NRCAM: variants seen among roughly 807,000 people sequenced by gnomAD.
NRCAM encodes the protein neuronal cell adhesion molecule.
NRCAM carries 83 observed loss-of-function variants against 156.5 expected under a neutral mutation model. The observed-to-expected ratio is 0.53, with a 90% CI of 0.44 to 0.64. The LOEUF (loss-of-function observed/expected upper bound fraction) is 0.64, where lower values mean the gene tolerates loss of function less well. NRCAM is among the 30% of genes least tolerant of loss of function. The pLI is 0.00. For synonymous variants in NRCAM, 538 were observed against 563.9 expected (o/e 0.95, Z 0.65); for missense variants, 1,417 against 1,597.3 (o/e 0.89, Z 1.92).
At chr7:108,210,665 C>G (rs1399060205) in intron 11 of NRCAM, among the ~76,000 whole-genome samples, 1 of 152,170 alleles carries the variant, frequency 6.6e-6, no homozygotes, top group African/African-American at 2.4e-5. Context: ...CTTTTTGAGG[C>G]TTAGTTTCCT....
intron 2 of NRCAM, among the ~76,000 whole-genome samples, chr7:108,356,322 A>T (rs2099496959): frequency 6.6e-6 from 1 of 152,114 alleles, no homozygotes; most frequent in African/African-American, 2.4e-5. Context: ...TAATTGTTCT[A>T]TTATTATTAA....
chr7:108,392,121 G>C (rs2099762262), intron 2 of NRCAM, among the ~76,000 whole-genome samples: 2 of 152,152 alleles, frequency 1.3e-5, no homozygotes, highest in Non-Finnish European at 2.9e-5. Context: ...ATGTTGGCCT[G>C]CCTTGCTATG....
At chr7:108,307,543 G>T (rs2154171583) in intron 3 of NRCAM, among the ~76,000 whole-genome samples, 1 of 152,288 alleles carries the variant, frequency 6.6e-6, no homozygotes, top group South Asian at 2.1e-4. Flanking sequence ...AATCTTTACA[G>T]ACCAGCTAAG....
intron 2 of NRCAM, among the ~76,000 whole-genome samples, chr7:108,374,612 T>C (rs191130435): frequency 6.6e-6 from 1 of 152,274 alleles, no homozygotes; most frequent in Non-Finnish European, 1.5e-5. Flanking sequence ...AATTCAAATA[T>C]GAAGTGAGAT....
rs7791676 is a variant in NRCAM, at chr7:108,177,972, T to C, written c.2974+18A>G. Reference sequence around the variant, plus strand: ...ATAAAAAAACATATTTCCCCTTCTCTTCCTCCCAACAGCTTACTTGGCTGA... The same window carrying C: ...ATAAAAAAACATATTTCCCCTTCTCCTCCTCCCAACAGCTTACTTGGCTGA... On this transcript the variant is annotated intron_variant, in intron 26 of 32. Coordinates refer to ENST00000379028, the MANE Select transcript of NRCAM (RefSeq NM_001037132.4). 7,379 of 1,575,190 alleles carry C rather than the reference T, an allele frequency of 4.7e-3. 289 individuals carry two copies. The African/African-American group carries it at 0.087, about 19-fold the overall frequency.
chr7:108,227,485 C>A (rs2093662482), intron 8 of NRCAM, among the ~76,000 whole-genome samples: 1 of 152,198 alleles, frequency 6.6e-6, no homozygotes. Flanking sequence ...ATCCTCTCTT[C>A]TAGCTATTTG....
Position 108,194,139 on chromosome 7 carries a change from C to T in NRCAM, c.1663G>A (p.Ala555Thr). 1.2e-6 allele frequency: 2 copies of T among 1,614,100 alleles called. No individual in the cohort carries two copies. Among genetic ancestry groups the T allele is most frequent in the South Asian group, 2.2e-5 (2 of 91,074 alleles). ...PTWIVKQPEY[A>T]VVQRGSMVSF... ...ACCATGCTCCCTCTTTGCACAACTGCATATTCGGGCTGTTTAACGATCCAT... is the reference window on the plus strand; with the variant it reads ...ACCATGCTCCCTCTTTGCACAACTGTATATTCGGGCTGTTTAACGATCCAT... The change falls in exon 17 of 33, where the codon GCA becomes ACA. Residue 555 changes from alanine to threonine, a missense_variant. Transcript: ENST00000379028.
chr7:108,218,449 T>C (rs2090654746), intron 11 of NRCAM, among the ~76,000 whole-genome samples: 1 of 152,130 alleles, frequency 6.6e-6, no homozygotes, highest in African/African-American at 2.4e-5. Context: ...AGATGGACCA[T>C]ATGATAGGCC....
chr7:108,369,523 A>G (rs1335307913), intron 2 of NRCAM, among the ~76,000 whole-genome samples: 1 of 152,166 alleles, frequency 6.6e-6, no homozygotes, highest in African/African-American at 2.4e-5. Flanking sequence ...CACTGTGTTT[A>G]TCCTCTTCAA....
chr7:108,295,254 C>T (rs1333302600), intron 3 of NRCAM, among the ~76,000 whole-genome samples: 2 of 152,148 alleles, frequency 1.3e-5, no homozygotes, highest in East Asian at 3.8e-4. Flanking sequence ...CTTTTTTACA[C>T]CTCTCTAAAA....
At position 108,363,558 on chromosome 7, in the gene NRCAM, C is replaced by T. The variant is rs1372357247; in HGVS notation, c.-174+35878G>A. 3.9e-5 allele frequency among the ~76,000 whole-genome samples: 6 copies of T among 152,172 alleles called. No individual in the cohort carries two copies. In the East Asian group the frequency reaches 9.6e-4, roughly 24 times the overall value. ...CCACTGCATCCAGCCCAACCCTCTA[C>T]TTCTTAAGTGTGAACTGCTCATAGT... On this transcript the variant is annotated intron_variant, in intron 2 of 32. Transcript: ENST00000379028.
In NRCAM at chr7:108,196,234, AG is replaced by A. The variant is rs148135824; in HGVS notation, c.1352-363del. On this transcript the variant is annotated intron_variant, in intron 14 of 32. Transcript: ENST00000379028. ...CTCACTCATCATAACCCTAGTGGGTAGGAACGGTGGGGAACACATAAGCTGG... is the reference window on the plus strand; with the variant it reads ...CTCACTCATCATAACCCTAGTGGGTAGAACGGTGGGGAACACATAAGCTGG... 5.3e-3 allele frequency among the ~76,000 whole-genome samples: 804 copies of A among 152,342 alleles called. 8 individuals carry two copies. Among genetic ancestry groups the A allele is most frequent in the African/African-American group, 0.019 (770 of 41,582 alleles).
At chr7:108,234,493 G>A (rs896278820) in intron 6 of NRCAM, 90 bp downstream of exon 6, 7 of 837,766 alleles carry the variant, frequency 8.4e-6, no homozygotes, top group Non-Finnish European at 1.2e-5. Context: ...AGTCTGCCTT[G>A]TTTGATGGAA....
intron 3 of NRCAM, among the ~76,000 whole-genome samples, chr7:108,281,664 G>C (rs2097862005): frequency 6.6e-6 from 1 of 152,238 alleles, no homozygotes; most frequent in South Asian, 2.1e-4. Context: ...TGGCAGTTGG[G>C]AGGTGGGGTG....
chr7:108,238,688 C>G (rs1460744756), intron 4 of NRCAM, among the ~76,000 whole-genome samples: 3 of 152,086 alleles, frequency 2.0e-5, no homozygotes, highest in African/African-American at 7.2e-5. Flanking sequence ...TTCTTTCCCT[C>G]CTGTGTATCT....
At chr7:108,424,559 T>A (rs1814518839) in intron 1 of NRCAM, among the ~76,000 whole-genome samples, 1 of 152,186 alleles carries the variant, frequency 6.6e-6, no homozygotes, top group South Asian at 2.1e-4. Context: ...GACTTCGTAG[T>A]TTTTGTCAGT....
chr7:108,381,085 T>C (rs1353934743), intron 2 of NRCAM, among the ~76,000 whole-genome samples: 1 of 151,930 alleles, frequency 6.6e-6, no homozygotes, highest in East Asian at 1.9e-4. Context: ...AGGAGAAAAA[T>C]GCTTGGCACT....
intron 2 of NRCAM, among the ~76,000 whole-genome samples, chr7:108,327,986 G>C (rs1196632954): frequency 1.3e-5 from 2 of 152,138 alleles, no homozygotes; most frequent in Admixed American, 6.6e-5. Flanking sequence ...TGGTCTGTGA[G>C]ACTATTAAAA....
chr7:108,244,124 T>A (rs2095735386), intron 3 of NRCAM, among the ~76,000 whole-genome samples: 1 of 152,142 alleles, frequency 6.6e-6, no homozygotes, highest in Non-Finnish European at 1.5e-5. Flanking sequence ...GAAATTATTT[T>A]AATGAAAAAA....
Sources: allele counts gnomAD v4.1 joint callset (sites outside exome capture counted in the v4.1 genomes callset), GRCh38; gene constraint gnomAD v4.1.1; transcripts MANE v1.5; gene names NCBI Gene and HGNC (gene_info 2026-07-23, HGNC 2026-07-21).